Variants in CLNK observed in about 807,000 individuals in gnomAD.
CLNK encodes the protein cytokine-dependent hematopoietic cell linker.
A neutral mutation model predicts 68.6 loss-of-function variants in CLNK; 74 were observed. That is an observed-to-expected ratio of 1.08 (90% CI 0.89 to 1.31). The LOEUF (loss-of-function observed/expected upper bound fraction) is 1.31, where lower values mean the gene tolerates loss of function less well. Among genes scored for constraint, CLNK ranks in the 50% most tolerant of loss-of-function variants. The pLI is 0.00. For synonymous variants in CLNK, 198 were observed against 172.2 expected (o/e 1.15, Z -1.17); for missense variants, 553 against 515.3 (o/e 1.07, Z -0.71).
chr4:10,526,648 G>A (rs1718334352), intron 13 of CLNK, among the ~76,000 whole-genome samples: 1 of 152,150 alleles, frequency 6.6e-6, no homozygotes, highest in East Asian at 1.9e-4. Context: ...GGGCAGGTGA[G>A]CTCCTAGGGT....
intron 8 of CLNK, among the ~76,000 whole-genome samples, chr4:10,544,445 G>A (rs2108810713): frequency 6.6e-6 from 1 of 152,300 alleles, no homozygotes; most frequent in African/African-American, 2.4e-5. Context: ...GCAGGAGTTA[G>A]GAGATACATA....
intron 2 of CLNK, among the ~76,000 whole-genome samples, chr4:10,664,522 T>C (rs1724318244): frequency 6.6e-6 from 1 of 152,128 alleles, no homozygotes; most frequent in African/African-American, 2.4e-5. Flanking sequence ...CCTTGGCGAC[T>C]GCTGTGGATA....
chr4:10,681,532 A>G (rs1725090924), intron 1 of CLNK, among the ~76,000 whole-genome samples: 1 of 152,250 alleles, frequency 6.6e-6, no homozygotes, highest in South Asian at 2.1e-4. Flanking sequence ...AGTTCAAATG[A>G]CAAACCACAG....
chr4:10,666,749 G>A (rs991645931), intron 2 of CLNK, among the ~76,000 whole-genome samples: 7 of 152,238 alleles, frequency 4.6e-5, no homozygotes, highest in Non-Finnish European at 1.0e-4. Flanking sequence ...GCCCATCTGT[G>A]GACTACGTGC....
chr4:10,695,265 A>G, the CLNK span, among the ~76,000 whole-genome samples: 1 of 152,246 alleles, frequency 6.6e-6, no homozygotes, highest in Non-Finnish European at 1.5e-5. Flanking sequence ...CAATGTATAC[A>G]TGTGCCATAA....
At chr4:10,655,797 C>A (rs1356029073) in intron 2 of CLNK, among the ~76,000 whole-genome samples, 1 of 151,612 alleles carries the variant, frequency 6.6e-6, no homozygotes, top group Admixed American at 6.6e-5. Context: ...CTACAGGCAC[C>A]CACCACCACG....
At chr4:10,497,611 G>C (rs1716866377) in intron 18 of CLNK, among the ~76,000 whole-genome samples, 1 of 152,190 alleles carries the variant, frequency 6.6e-6, no homozygotes, top group South Asian at 2.1e-4. Flanking sequence ...CTGACAGTCT[G>C]ATTAAGCTGT....
chr4:10,561,462 A>G (rs900476814), intron 7 of CLNK, among the ~76,000 whole-genome samples: 7 of 152,192 alleles, frequency 4.6e-5, no homozygotes, highest in Non-Finnish European at 1.0e-4. Context: ...GTTTTTTAAA[A>G]AATCAAATGA....
chr4:10,568,708 A>G (rs1478644861), intron 5 of CLNK, among the ~76,000 whole-genome samples: 1 of 152,210 alleles, frequency 6.6e-6, no homozygotes, highest in African/African-American at 2.4e-5. Context: ...TCTATGAAAC[A>G]ACCCGAAAGA....
chr4:10,614,903 G>C (rs1422658994), intron 2 of CLNK, among the ~76,000 whole-genome samples: 1 of 152,182 alleles, frequency 6.6e-6, no homozygotes, highest in South Asian at 2.1e-4. Context: ...GCAAAGAAGG[G>C]GCTGGGTGCG....
chr4:10,572,319 T>C (rs1186756578), intron 4 of CLNK, among the ~76,000 whole-genome samples: 1 of 152,240 alleles, frequency 6.6e-6, no homozygotes, highest in Non-Finnish European at 1.5e-5. Flanking sequence ...AATTGAGTTA[T>C]GGACCAGGTG....
intron 1 of CLNK, among the ~76,000 whole-genome samples, chr4:10,669,763 C>T (rs1724553710): frequency 6.6e-6 from 1 of 152,276 alleles, no homozygotes; most frequent in Admixed American, 6.5e-5. Flanking sequence ...CCAGCCTCAT[C>T]CCCTCGTCTT....
chr4:10,659,127 C>T (rs1376091745), intron 2 of CLNK, among the ~76,000 whole-genome samples: 2 of 152,112 alleles, frequency 1.3e-5, no homozygotes, highest in African/African-American at 4.8e-5. Flanking sequence ...TTTCTTGAAC[C>T]CGGGAGAAGG....
At chr4:10,535,634 T>C (rs1262078169) in intron 11 of CLNK, among the ~76,000 whole-genome samples, 1 of 152,210 alleles carries the variant, frequency 6.6e-6, no homozygotes, top group African/African-American at 2.4e-5. Context: ...GTTATTCCCT[T>C]TTTAATTGTC....
In CLNK at chr4:10,490,606, T is replaced by A; in HGVS notation, c.1148A>T (p.Asp383Val). Reference sequence around the variant, plus strand: ...GTGTTCGATGATGTCTTCTACTGAATCAAACTTCTGAAACACAGAAAAGAA... The same window carrying A: ...GTGTTCGATGATGTCTTCTACTGAAACAAACTTCTGAAACACAGAAAAGAA... ...GTGLRGDEKF[D>V]SVEDIIEHYK... Residue 383 changes from aspartate (D) to valine (V), a missense_variant, in exon 19 of 19, where the codon GAT becomes GTT. Coordinates refer to ENST00000226951, the MANE Select transcript of CLNK (RefSeq NM_052964.4). 6.4e-7 allele frequency: 1 copy of A among 1,567,114 alleles called. No individual in the cohort carries two copies. The highest frequency in any genetic ancestry group is 1.4e-5 in the African/African-American group (1 of 73,950).
chr4:10,614,925 C>G (rs1722169580), intron 2 of CLNK, among the ~76,000 whole-genome samples: 1 of 152,188 alleles, frequency 6.6e-6, no homozygotes, highest in African/African-American at 2.4e-5. Flanking sequence ...TGGCTCACAC[C>G]TGTAATCCCA....
At chr4:10,699,285 C>CATACACACCACGTATGT in the CLNK span, among the ~76,000 whole-genome samples, 1 of 46,192 alleles carries the variant, frequency 2.2e-5, no homozygotes, top group African/African-American at 9.3e-5. Flanking sequence ...ACACCACATA[C>CATACACACCACGTATGT]GTGTATACAC....
At chr4:10,563,537 T>C (rs971700955) in intron 7 of CLNK, among the ~76,000 whole-genome samples, 1 of 152,192 alleles carries the variant, frequency 6.6e-6, no homozygotes, top group Non-Finnish European at 1.5e-5. Context: ...TATACCAGAA[T>C]TTAATGTGAG....
At chr4:10,703,055 C>T in the CLNK span, among the ~76,000 whole-genome samples, 18 of 152,150 alleles carry the variant, frequency 1.2e-4, no homozygotes, top group South Asian at 3.1e-3. Flanking sequence ...CAGCATTCAG[C>T]GCAGAGGACA....
Sources: gnomAD v4.1 joint callset for allele counts (sites outside exome capture counted in the v4.1 genomes callset) on GRCh38, gnomAD v4.1.1 for gene constraint, MANE v1.5 for transcripts, NCBI Gene and HGNC (gene_info 2026-07-23, HGNC 2026-07-21) for gene names.